TSHZ2: variants seen among roughly 807,000 people sequenced by gnomAD.
TSHZ2 encodes teashirt zinc finger homeobox 2, also known as teashirt homolog 2.
Under a neutral mutation model 74.4 loss-of-function variants are expected in TSHZ2, and 21 were observed. The ratio of observed to expected loss-of-function variants is 0.28; its 90% confidence interval spans 0.20 to 0.41. TSHZ2 has a LOEUF of 0.41. Ranked by LOEUF, TSHZ2 falls within the 10% of genes least tolerant of loss-of-function variation. The probability of loss-of-function intolerance (pLI) is 1.00; values close to 1 mark genes in which losing one functional copy is unlikely to be tolerated. For missense variants in TSHZ2, 1,244 were observed against 1,293.5 expected (o/e 0.96, Z 0.59); for synonymous variants, 540 against 515.3 (o/e 1.05, Z -0.65).
intron 1 of TSHZ2, among the ~76,000 whole-genome samples, chr20:53,009,557 C>T (rs1039163337): frequency 7.2e-5 from 11 of 152,066 alleles, no homozygotes; most frequent in Non-Finnish European, 1.5e-4. Context: ...ATTTTTGAAC[C>T]ATAGTTGACC....
At chr20:53,366,777 A>G (rs1981277541) in intron 2 of TSHZ2, among the ~76,000 whole-genome samples, 1 of 152,222 alleles carries the variant, frequency 6.6e-6, no homozygotes, top group East Asian at 1.9e-4. Context: ...GCTCCTGCAC[A>G]TTCTTGAAAG....
intron 2 of TSHZ2, among the ~76,000 whole-genome samples, chr20:53,458,129 G>A (rs1186824142): frequency 6.6e-6 from 1 of 151,530 alleles, no homozygotes; most frequent in African/African-American, 2.4e-5. Context: ...GTTTCAGAAG[G>A]AATGGTACCA....
chr20:53,232,948 G>A (rs73272861), intron 1 of TSHZ2, among the ~76,000 whole-genome samples: 18,714 of 151,936 alleles, frequency 0.12, 1,286 homozygotes, highest in Non-Finnish European at 0.15. Flanking sequence ...CTGCTCTCCT[G>A]CTATCACTTA....
At chr20:53,042,613 T>A (rs1383308974) in intron 1 of TSHZ2, among the ~76,000 whole-genome samples, 2 of 151,908 alleles carry the variant, frequency 1.3e-5, no homozygotes, top group Non-Finnish European at 1.5e-5. Flanking sequence ...GTTCTTTCAC[T>A]TCAGAAAGTG....
chr20:53,120,990 CTT>C (rs929591231), intron 1 of TSHZ2, among the ~76,000 whole-genome samples: 1 of 149,558 alleles, frequency 6.7e-6, no homozygotes, highest in Admixed American at 6.7e-5. Flanking sequence ...CAAATGGCCT[CTT>C]TTTTTTTTCT....
intron 1 of TSHZ2, among the ~76,000 whole-genome samples, chr20:53,035,824 A>C (rs1318172911): frequency 6.6e-6 from 1 of 152,160 alleles, no homozygotes; most frequent in African/African-American, 2.4e-5. Flanking sequence ...CAGACACATT[A>C]GGATCACTTT....
At chr20:53,307,174 G>T (rs751854173) in intron 2 of TSHZ2, among the ~76,000 whole-genome samples, 2 of 151,776 alleles carry the variant, frequency 1.3e-5, no homozygotes, top group African/African-American at 4.9e-5. Context: ...GGAATGCAAC[G>T]CAATGCCACC....
At position 53,254,563 on chromosome 20, in the gene TSHZ2, A is replaced by G; in HGVS notation, c.1105A>G (p.Thr369Ala). The change falls in exon 2 of 3, where the codon ACC (threonine) becomes GCC (alanine). Residue 369 changes from threonine to alanine, a missense_variant. Coordinates refer to ENST00000371497, the MANE Select transcript of TSHZ2 (RefSeq NM_173485.6). ...TGGCTACCAAAATGGAGCCAGCTACACCTGGCAGTTTGAGGCCTGCAAGTC... is the reference window on the plus strand; with the variant it reads ...TGGCTACCAAAATGGAGCCAGCTACGCCTGGCAGTTTGAGGCCTGCAAGTC... ...RYGYQNGASY[T>A]WQFEACKSQI... 6.2e-7 allele frequency: 1 copy of G among 1,613,122 alleles called. No homozygotes were observed. Among genetic ancestry groups the G allele is most frequent in the Non-Finnish European group, 8.5e-7 (1 of 1,179,138 alleles).
chr20:53,439,514 T>G (rs566761230), intron 2 of TSHZ2, among the ~76,000 whole-genome samples: 54 of 152,326 alleles, frequency 3.5e-4, no homozygotes, highest in African/African-American at 1.3e-3. Context: ...AGTTAATAAA[T>G]AATTATGATG....
At chr20:53,170,171 C>T (rs565151380) in intron 1 of TSHZ2, among the ~76,000 whole-genome samples, 1 of 152,270 alleles carries the variant, frequency 6.6e-6, no homozygotes, top group South Asian at 2.1e-4. Flanking sequence ...AAAGTCTAGA[C>T]TTTGTCTTTC....
chr20:53,426,322 T>G (rs1983653950), intron 2 of TSHZ2, among the ~76,000 whole-genome samples: 1 of 152,144 alleles, frequency 6.6e-6, no homozygotes, highest in South Asian at 2.1e-4. Flanking sequence ...GCCTCTAATT[T>G]CTGTCCTCTC....
At chr20:53,279,545 C>A (rs1246094513) in intron 2 of TSHZ2, among the ~76,000 whole-genome samples, 2 of 152,238 alleles carry the variant, frequency 1.3e-5, no homozygotes, top group Non-Finnish European at 2.9e-5. Context: ...AGCTCTCTCA[C>A]TTTTCTCTTT....
chr20:53,176,075 C>T (rs900120905), intron 1 of TSHZ2, among the ~76,000 whole-genome samples: 3 of 152,202 alleles, frequency 2.0e-5, no homozygotes, highest in African/African-American at 7.2e-5. Flanking sequence ...AGTTAAATTC[C>T]CTCCTTGCTC....
intron 2 of TSHZ2, among the ~76,000 whole-genome samples, chr20:53,434,145 C>T (rs1411180933): frequency 6.6e-6 from 1 of 152,188 alleles, no homozygotes; most frequent in Non-Finnish European, 1.5e-5. Context: ...GCTGGGATTA[C>T]AGGCACGAGC....
intron 1 of TSHZ2, among the ~76,000 whole-genome samples, chr20:53,117,731 T>TA (rs1444910353): frequency 6.6e-6 from 1 of 152,242 alleles, no homozygotes; most frequent in Non-Finnish European, 1.5e-5. Context: ...TATAAACTGA[T>TA]ACACCGTATT....
At chr20:53,131,087 T>C in intron 1 of TSHZ2, among the ~76,000 whole-genome samples, 1 of 152,180 alleles carries the variant, frequency 6.6e-6, no homozygotes, top group East Asian at 1.9e-4. Flanking sequence ...AATAAGAACA[T>C]GAGGAAGAGG....
chr20:53,372,385 G>A (rs1981506854), intron 2 of TSHZ2, among the ~76,000 whole-genome samples: 1 of 152,142 alleles, frequency 6.6e-6, no homozygotes, highest in East Asian at 1.9e-4. Context: ...GCTGAGATAG[G>A]AAAATCGCCT....
chr20:53,033,231 T>C (rs944589677), intron 1 of TSHZ2, among the ~76,000 whole-genome samples: 10 of 152,228 alleles, frequency 6.6e-5, no homozygotes, highest in Admixed American at 3.3e-4. Flanking sequence ...ATAGTCCTTT[T>C]CTACAGCTGA....
chr20:52,995,609 TC>T (rs1982153649), intron 1 of TSHZ2, among the ~76,000 whole-genome samples: 1 of 136,946 alleles, frequency 7.3e-6, no homozygotes, highest in Non-Finnish European at 1.6e-5. Context: ...ATTTTTTCTT[TC>T]CTTTTTTTTT....
Sources: allele counts gnomAD v4.1 joint callset (sites outside exome capture counted in the v4.1 genomes callset), GRCh38; gene constraint gnomAD v4.1.1; transcripts MANE v1.5; gene names NCBI Gene and HGNC (gene_info 2026-07-23, HGNC 2026-07-21).